Variants in RFC3 observed in about 807,000 individuals in gnomAD.
RFC3 encodes A1 38 kDa subunit.
RFC3 carries 41 observed loss-of-function variants against 45.1 expected under a neutral mutation model. The observed-to-expected ratio is 0.91, with a 90% CI of 0.71 to 1.18. The LOEUF (loss-of-function observed/expected upper bound fraction) is 1.18, where lower values mean the gene tolerates loss of function less well. Among genes scored for constraint, RFC3 ranks in the 50% most tolerant of loss-of-function variants. The pLI is 0.00. For synonymous variants in RFC3, 149 were observed against 144.0 expected (o/e 1.03, Z -0.25); for missense variants, 423 against 428.1 (o/e 0.99, Z 0.10).
At chr13:33,920,627 A>C (rs2137731751) in intron 8 of RFC3, among the ~76,000 whole-genome samples, 1 of 151,696 alleles carries the variant, frequency 6.6e-6, no homozygotes, top group Non-Finnish European at 1.5e-5. Context: ...ATTGAGGGGG[A>C]TGTTGCTATG....
At chr13:33,885,901 T>C (rs1472908981) in intron 8 of RFC3, among the ~76,000 whole-genome samples, 7 of 152,132 alleles carry the variant, frequency 4.6e-5, no homozygotes, top group Admixed American at 3.3e-4. Context: ...ATTAAAGATA[T>C]TATTTACTTG....
intron 8 of RFC3, among the ~76,000 whole-genome samples, chr13:33,872,792 A>C (rs1442861021): frequency 9.0e-3 from 875 of 97,302 alleles, no homozygotes; most frequent in Admixed American, 0.012. Flanking sequence ...AAGAAACCAA[A>C]CCCCCCCCCC....
intron 8 of RFC3, among the ~76,000 whole-genome samples, chr13:33,917,759 G>A (rs2082742264): frequency 6.6e-6 from 1 of 152,022 alleles, no homozygotes; most frequent in African/African-American, 2.4e-5. Flanking sequence ...AAAGGTGTCT[G>A]TGAAAGATTT....
At chr13:33,900,464 C>A (rs2082633117) in intron 8 of RFC3, among the ~76,000 whole-genome samples, 1 of 151,682 alleles carries the variant, frequency 6.6e-6, no homozygotes, top group African/African-American at 2.4e-5. Flanking sequence ...TGCTGAAAAA[C>A]CTGGTTAACT....
downstream of RFC3, among the ~76,000 whole-genome samples, chr13:33,967,103 G>A (rs2083091655): frequency 6.6e-6 from 1 of 152,064 alleles, no homozygotes; most frequent in South Asian, 2.1e-4. Context: ...GTTGCAGTGA[G>A]CTGAGACCAC....
At chr13:33,945,725 T>C (rs2082950321) in intron 8 of RFC3, among the ~76,000 whole-genome samples, 1 of 152,190 alleles carries the variant, frequency 6.6e-6, no homozygotes, top group African/African-American at 2.4e-5. Context: ...CCATGTGGTT[T>C]CAACTAGTTC....
intron 8 of RFC3, among the ~76,000 whole-genome samples, chr13:33,866,353 T>C (rs1237295328): frequency 6.6e-6 from 1 of 152,236 alleles, no homozygotes; most frequent in Non-Finnish European, 1.5e-5. Context: ...AGCAGTTATT[T>C]GGGAGAGGTA....
intron 2 of RFC3, among the ~76,000 whole-genome samples, chr13:33,822,056 T>A (rs906372471): frequency 1.3e-5 from 2 of 152,154 alleles, no homozygotes; most frequent in Admixed American, 1.3e-4. Flanking sequence ...ATATGCTGAG[T>A]GTGGATGGTA....
rs148195573 is a variant in RFC3 at position 33,939,705 on chromosome 13, G to A, written c.880-26382G>A. The stretch of plus-strand genomic sequence containing the variant: ...AGGGCTTGAAACTGGTGTCGGAAGC[G>A]GGAACAGTCTTGTCCTGTCGAGCTC... On this transcript the variant is annotated intron_variant, in intron 8 of 8. Transcript: ENST00000434425. Among the ~76,000 whole-genome samples the A allele has an allele frequency of 1.2e-3, 181 of 152,250 alleles. 1 individual carries two copies. The highest frequency in any genetic ancestry group is 3.4e-3 in the Middle Eastern group (1 of 292).
At chr13:33,889,039 C>T (rs186413918) in intron 8 of RFC3, among the ~76,000 whole-genome samples, 159 of 152,264 alleles carry the variant, frequency 1.0e-3, no homozygotes, top group African/African-American at 3.4e-3. Flanking sequence ...CCATCGCGCC[C>T]GGCCCTTTAA....
intron 8 of RFC3, among the ~76,000 whole-genome samples, chr13:33,902,724 C>T (rs1011017583): frequency 5.3e-5 from 8 of 152,004 alleles, no homozygotes; most frequent in Admixed American, 2.0e-4. Flanking sequence ...AGTAGCCCCT[C>T]TATGTCTACT....
At chr13:33,955,078 A>G (rs142742530) in intron 8 of RFC3, among the ~76,000 whole-genome samples, 2 of 152,266 alleles carry the variant, frequency 1.3e-5, no homozygotes, top group African/African-American at 2.4e-5. Context: ...AAAACTCTAA[A>G]TCTTATGGTG....
intron 8 of RFC3, among the ~76,000 whole-genome samples, chr13:33,953,484 A>G (rs575012287): frequency 2.0e-5 from 3 of 152,114 alleles, no homozygotes; most frequent in African/African-American, 7.2e-5. Context: ...GAGTAGAAAA[A>G]TCTTTTAAAT....
chr13:33,860,040 C>G (rs1002907875), intron 8 of RFC3, among the ~76,000 whole-genome samples: 3 of 152,118 alleles, frequency 2.0e-5, no homozygotes, highest in Non-Finnish European at 4.4e-5. Context: ...AGATGAAAGA[C>G]CATGTGAGGA....
At position 33,829,969 on chromosome 13, in the gene RFC3, T is replaced by C; in HGVS notation, c.525T>C (p.Ile175=). ...CTACATCTAAAGTGATCCCACCTATTCGTAGTAGGTGCTTGGCGGTTCGTG... is the reference window on the plus strand; with the variant it reads ...CTACATCTAAAGTGATCCCACCTATCCGTAGTAGGTGCTTGGCGGTTCGTG... ...CNSTSKVIPP[I]RSRCLAVRVP... Residue 175 remains isoleucine (I), a synonymous_variant, in exon 5 of 9, where the codon ATT becomes ATC. Transcript: ENST00000380071. 6.2e-7 allele frequency: 1 copy of C among 1,614,192 alleles called. No homozygotes were observed. The highest frequency in any genetic ancestry group is 1.1e-5 in the South Asian group (1 of 91,080).
intron 8 of RFC3, among the ~76,000 whole-genome samples, chr13:33,934,474 A>G (rs1229215766): frequency 1.3e-5 from 2 of 152,162 alleles, no homozygotes; most frequent in Non-Finnish European, 2.9e-5. Context: ...AAGCTCTGAG[A>G]TGACTGTGTG....
intron 2 of RFC3, among the ~76,000 whole-genome samples, chr13:33,821,701 A>G (rs929931436): frequency 2.0e-5 from 3 of 152,160 alleles, no homozygotes; most frequent in Non-Finnish European, 4.4e-5. Flanking sequence ...GAGGCCTGCA[A>G]CTCTGGGAAG....
At chr13:33,889,774 C>T (rs996445059) in intron 8 of RFC3, among the ~76,000 whole-genome samples, 1 of 152,162 alleles carries the variant, frequency 6.6e-6, no homozygotes, top group South Asian at 2.1e-4. Flanking sequence ...ATGACAGCAA[C>T]CTTTTTAGAT....
intron 8 of RFC3, among the ~76,000 whole-genome samples, chr13:33,851,225 C>T (rs2082274346): frequency 6.7e-6 from 1 of 148,580 alleles, no homozygotes; most frequent in South Asian, 2.1e-4. Flanking sequence ...ACTAATTTTT[C>T]TCTACCCCCA....
Sources: gnomAD v4.1 joint callset for allele counts (sites outside exome capture counted in the v4.1 genomes callset) on GRCh38, gnomAD v4.1.1 for gene constraint, MANE v1.5 for transcripts, NCBI Gene and HGNC (gene_info 2026-07-23, HGNC 2026-07-21) for gene names.